CPNE5: variants seen among roughly 807,000 people sequenced by gnomAD.
The protein encoded by CPNE5 is copine-5.
In CPNE5, 42 loss-of-function variants were observed where a neutral mutation model predicts 81.1. That is an observed-to-expected ratio of 0.52 (90% confidence interval 0.40 to 0.67). The LOEUF is 0.67. CPNE5 is among the 30% of genes least tolerant of loss of function. The pLI is 0.00. For missense variants in CPNE5, 612 were observed against 815.5 expected (o/e 0.75, Z 3.04); for synonymous variants, 313 against 321.5 (o/e 0.97, Z 0.28).
At chr6:36,794,167 G>C (rs1481736501) in intron 7 of CPNE5, among the ~76,000 whole-genome samples, 1 of 151,160 alleles carries the variant, frequency 6.6e-6, no homozygotes, top group Non-Finnish European at 1.5e-5. Flanking sequence ...AACAAGGGAG[G>C]GGAACAGGGG....
chr6:36,800,149 C>T, intron 3 of CPNE5, 79 bp from the exon 4 acceptor site: 1 of 954,484 alleles, frequency 1.0e-6, no homozygotes, highest in Non-Finnish European at 1.6e-6. Flanking sequence ...GCACTGGGCT[C>T]AGAGCCCCTT....
At chr6:36,744,738 T>C (rs889427062) in intron 18 of CPNE5, among the ~76,000 whole-genome samples, 12 of 152,104 alleles carry the variant, frequency 7.9e-5, no homozygotes, top group African/African-American at 1.2e-4. Context: ...GAGGGAGTCA[T>C]TGGGGTCTGG....
rs376915511 is a variant in CPNE5 at position 36,801,114 on chromosome 6, T to C, written c.184-1044A>G. On this transcript the variant is annotated intron_variant, in intron 3 of 20. Coordinates refer to ENST00000244751, the MANE Select transcript of CPNE5 (RefSeq NM_020939.2). ...TATTACTCAGCAATAGCTAACTAAT[T>C]CAGAGACTGAATTGTCTTGGTTGCC... Among the ~76,000 whole-genome samples, 8 of 152,340 alleles carry C rather than the reference T, an allele frequency of 5.3e-5. No individual in the cohort carries two copies. In the East Asian group the frequency reaches 1.5e-3, roughly 29 times the overall value.
intron 1 of CPNE5, among the ~76,000 whole-genome samples, chr6:36,826,141 T>G (rs1178822076): frequency 6.6e-6 from 1 of 152,112 alleles, no homozygotes; most frequent in Admixed American, 6.5e-5. Flanking sequence ...GATACGTGTG[T>G]GTGTTTGCGT....
In CPNE5 at chr6:36,827,324, C is replaced by T. The variant is rs1398308408; in HGVS notation, c.96-4226G>A. On this transcript the variant is annotated intron_variant, in intron 1 of 20. Coordinates refer to ENST00000244751, the MANE Select transcript of CPNE5 (RefSeq NM_020939.2). ...GAACCCTCAGAGCCTGCTAAACCTCCTACCTTGGCTTTGGACGGGTGGCTT... is the reference window on the plus strand; with the variant it reads ...GAACCCTCAGAGCCTGCTAAACCTCTTACCTTGGCTTTGGACGGGTGGCTT... 4 of 985,268 alleles carry T rather than the reference C, an allele frequency of 4.1e-6. No individual in the cohort carries two copies. In the East Asian group the frequency reaches 3.4e-4, roughly 84 times the overall value. 61.0% of individuals were successfully genotyped at this position (985,268 alleles called of 1,614,324 possible). A position where few individuals can be genotyped will look rare whatever the true frequency, so the allele number is the denominator to read the frequency against.
At chr6:36,796,084 G>T (rs1256662231) in intron 6 of CPNE5, among the ~76,000 whole-genome samples, 1 of 152,174 alleles carries the variant, frequency 6.6e-6, no homozygotes, top group African/African-American at 2.4e-5. Flanking sequence ...TAGTAGCTGG[G>T]ACTACAGGCA....
chr6:36,744,379 A>G, intron 18 of CPNE5, 54 bp from the exon 19 acceptor site: 1 of 1,422,410 alleles, frequency 7.0e-7, no homozygotes, highest in Non-Finnish European at 9.7e-7. Flanking sequence ...GGACCCAGTT[A>G]AAAGGAAGGA....
Position 36,746,398 on chromosome 6 carries a change from G to C in CPNE5, c.1198C>G (p.Leu400Val). The change falls in exon 16 of 21, where the codon CTG (leucine) becomes GTG (valine). Residue 400 changes from leucine (L) to valine (V), a missense_variant and splice_region_variant. Coordinates refer to ENST00000244751, the MANE Select transcript of CPNE5 (RefSeq NM_020939.2). This position sits in a 1 kb window ranked among gnomAD's most constrained non-coding sequence, Gnocchi z 4.5. ...PDGRVSHEFP[L>V]NGNQENPSCC... ...CTCCCACCAGCGGGACCACCTACCA[G>C]TGGGAACTCGTGGGACACTCTGCCA... 6.4e-7 allele frequency: 1 copy of C among 1,554,298 alleles called. No homozygotes were observed. Among genetic ancestry groups the C allele is most frequent in the South Asian group, 1.1e-5 (1 of 89,914 alleles).
chr6:36,764,347 C>A (rs1039413362), intron 11 of CPNE5, among the ~76,000 whole-genome samples: 4 of 151,990 alleles, frequency 2.6e-5, no homozygotes, highest in Non-Finnish European at 5.9e-5. Flanking sequence ...GAGCTTCTTG[C>A]AGGATGGTTG....
intron 10 of CPNE5, among the ~76,000 whole-genome samples, chr6:36,774,084 A>T (rs1433587827): frequency 5.4e-5 from 3 of 55,682 alleles, no homozygotes; most frequent in East Asian, 7.1e-4. Flanking sequence ...CATCTCAATT[A>T]AAAAAAAAAA....
At chr6:36,814,092 A>C (rs1771331461) in intron 3 of CPNE5, among the ~76,000 whole-genome samples, 1 of 152,228 alleles carries the variant, frequency 6.6e-6, no homozygotes, top group Admixed American at 6.5e-5. Context: ...TTCAGGCCTC[A>C]TCTGACAAAT....
At chr6:36,808,912 G>C (rs897315078) in intron 3 of CPNE5, among the ~76,000 whole-genome samples, 1 of 152,198 alleles carries the variant, frequency 6.6e-6, no homozygotes, top group East Asian at 1.9e-4. Flanking sequence ...ATAGGAACGG[G>C]ATTCAAACCC....
At chr6:36,812,254 T>A (rs1458919867) in intron 3 of CPNE5, among the ~76,000 whole-genome samples, 1 of 152,192 alleles carries the variant, frequency 6.6e-6, no homozygotes, top group Non-Finnish European at 1.5e-5. Context: ...CCCTCTGAGC[T>A]CTGCTTCCTC....
intron 1 of CPNE5, among the ~76,000 whole-genome samples, chr6:36,831,336 A>G (rs751296865): frequency 7.3e-5 from 11 of 151,242 alleles, no homozygotes; most frequent in Non-Finnish European, 1.5e-4. Context: ...ATTACAGGCT[A>G]CAGCCACCGC....
In CPNE5 at chr6:36,741,549, C is replaced by G. The variant is rs1763589429; in HGVS notation, c.*719G>C. The stretch of plus-strand genomic sequence containing the variant: ...GGGATTCCTGAAGCCAGGAGTCAAC[C>G]ATGGAAGTACCTGTGGGCCCACACC... On this transcript the variant is annotated 3_prime_UTR_variant, in exon 21 of 21. Transcript: ENST00000244751. 1 of 152,224 alleles carries G rather than the reference C, an allele frequency of 6.6e-6. No homozygotes were observed. 9.4% of individuals were successfully genotyped at this position (152,224 alleles called of 1,614,324 possible). A position where few individuals can be genotyped will look rare whatever the true frequency, so the allele number is the denominator to read the frequency against.
chr6:36,741,014 G>T lies in CPNE5; in HGVS notation c.*1254C>A, dbSNP rs1422860077. On this transcript the variant is annotated 3_prime_UTR_variant, in exon 21 of 21. Transcript: ENST00000244751. ...TCTGCTCCCCGAGTGGGCAAAGGCT[G>T]GGCAGCTGGGTGGGCCCGGGAGGGA... 6.6e-6 allele frequency: 1 copy of T among 152,376 alleles called. No homozygotes were observed. The highest frequency in any genetic ancestry group is 1.5e-5 in the Non-Finnish European group (1 of 68,116). The allele number at this position is 152,376 out of a possible 1,614,324, so 9.4% of individuals were successfully genotyped here. A position where few individuals can be genotyped will look rare whatever the true frequency, so the allele number is the denominator to read the frequency against.
chr6:36,764,705 G>A (rs552588305), intron 11 of CPNE5, among the ~76,000 whole-genome samples: 1 of 152,246 alleles, frequency 6.6e-6, no homozygotes, highest in East Asian at 1.9e-4. Context: ...CACCCTCCCA[G>A]CAGCCAGGGA....
chr6:36,794,587 T>C lies in CPNE5; in HGVS notation c.464+3A>G. On this transcript the variant is annotated splice_donor_region_variant and intron_variant, in intron 7 of 20. Transcript: ENST00000244751. ...CCAGGGCCAGAGATGTCTGGCAACG[T>C]ACCCGTTGGACACAGCTGGCATGGG... is the stretch of plus-strand genomic sequence containing the variant. The C allele has an allele frequency of 1.9e-6, 3 of 1,613,948 alleles. No individual in the cohort carries two copies. Among genetic ancestry groups the C allele is most frequent in the Non-Finnish European group, 2.5e-6 (3 of 1,179,902 alleles).
chr6:36,762,349 C>G (rs528786001), intron 12 of CPNE5, among the ~76,000 whole-genome samples: 1 of 149,038 alleles, frequency 6.7e-6, no homozygotes, highest in Non-Finnish European at 1.5e-5. Flanking sequence ...AATACATGCT[C>G]ACACACACAC....
Sources: allele counts gnomAD v4.1 joint callset (sites outside exome capture counted in the v4.1 genomes callset), GRCh38; gene constraint gnomAD v4.1.1; non-coding constraint Gnocchi (gnomAD v3.1); transcripts MANE v1.5; gene names NCBI Gene and HGNC (gene_info 2026-07-23, HGNC 2026-07-21).